Variants in EPB41 observed in about 807,000 individuals in gnomAD.
EPB41 encodes the protein protein 4.1.
Under a neutral mutation model 108.0 loss-of-function variants are expected in EPB41, and 65 were observed. The ratio of observed to expected loss-of-function variants is 0.60; its 90% CI spans 0.49 to 0.74. The LOEUF (loss-of-function observed/expected upper bound fraction) is 0.74, where lower values mean the gene tolerates loss of function less well. Ranked by LOEUF, EPB41 falls within the 30% of genes least tolerant of loss-of-function variation. The pLI is 0.00. For synonymous variants in EPB41, 336 were observed against 358.9 expected (o/e 0.94, Z 0.72); for missense variants, 875 against 1,037.0 (o/e 0.84, Z 2.15).
chr1:29,044,808 C>T (rs1257030406), intron 11 of EPB41, among the ~76,000 whole-genome samples: 1 of 152,126 alleles, frequency 6.6e-6, no homozygotes, highest in Admixed American at 6.6e-5. Context: ...GCTGAGATCG[C>T]GCCTGCACTC....
At chr1:29,060,507 T>G (rs1357198545) in intron 15 of EPB41, 23 bp downstream of exon 15, 1 of 1,598,068 alleles carries the variant, frequency 6.3e-7, no homozygotes, top group Non-Finnish European at 8.6e-7. Flanking sequence ...TTGAAGCTTA[T>G]TTCAGTTGGT....
chr1:28,965,399 T>A lies in EPB41; in HGVS notation c.-7-22032T>A, dbSNP rs148140124. 7.2e-3 allele frequency among the ~76,000 whole-genome samples: 1,094 copies of A among 152,248 alleles called. 17 individuals are homozygous for A. The highest frequency in any genetic ancestry group is 0.023 in the African/African-American group (944 of 41,542). On this transcript the variant is annotated intron_variant, in intron 1 of 20. Transcript: ENST00000343067. ...TTTTTTTTTAGAACTTTTTTGAAAC[T>A]GATTTCCTGTTGGGGTTTAGTATAG...
At chr1:28,888,101 G>A (rs749546923) in intron 1 of EPB41, among the ~76,000 whole-genome samples, 20 of 152,238 alleles carry the variant, frequency 1.3e-4, no homozygotes, top group Admixed American at 6.5e-5. Context: ...CCAGGAGTGG[G>A]GAGGAGAGAG....
chr1:28,950,370 T>C (rs1159995761), intron 1 of EPB41, among the ~76,000 whole-genome samples: 2 of 152,250 alleles, frequency 1.3e-5, no homozygotes, highest in Non-Finnish European at 2.9e-5. Flanking sequence ...AGGACCAGAC[T>C]CTAGCAGTAA....
At chr1:29,092,297 A>C (rs192501639) in intron 16 of EPB41, among the ~76,000 whole-genome samples, 2 of 151,890 alleles carry the variant, frequency 1.3e-5, no homozygotes, top group Non-Finnish European at 2.9e-5. Context: ...GGGTTTCTCC[A>C]TGTTGGACAG....
intron 1 of EPB41, chr1:28,982,516 C>T: frequency 1.0e-6 from 1 of 965,028 alleles, no homozygotes; most frequent in Non-Finnish European, 1.7e-6. Flanking sequence ...ATCTGAGGTG[C>T]TATCATCAAT....
chr1:29,092,127 C>T (rs899570579), intron 16 of EPB41, among the ~76,000 whole-genome samples: 12 of 97,638 alleles, frequency 1.2e-4, no homozygotes, highest in Admixed American at 1.2e-3. Flanking sequence ...GACGGAGTTT[C>T]GTTCATGTTG....
chr1:29,004,954 T>A (rs1430366917), intron 4 of EPB41, among the ~76,000 whole-genome samples: 2 of 152,190 alleles, frequency 1.3e-5, no homozygotes, highest in Non-Finnish European at 2.9e-5. Flanking sequence ...TTTTAGGACC[T>A]CCATATAAGG....
chr1:28,975,940 C>CAA (rs775554564), intron 1 of EPB41, among the ~76,000 whole-genome samples: 10,241 of 67,274 alleles, frequency 0.15, 795 homozygotes, highest in East Asian at 0.36. Flanking sequence ...GACTCCATCT[C>CAA]AAAAAAAAAA....
chr1:29,080,280 G>A (rs965793856), intron 16 of EPB41, among the ~76,000 whole-genome samples: 2 of 151,722 alleles, frequency 1.3e-5, no homozygotes, highest in African/African-American at 4.8e-5. Context: ...CACCGCACCC[G>A]GCTAATTTTT....
chr1:28,987,989 G>A (rs900734175), intron 2 of EPB41, 84 bp downstream of exon 2: 4 of 1,439,740 alleles, frequency 2.8e-6, no homozygotes, highest in South Asian at 2.3e-5. Flanking sequence ...TGGGCTGGGC[G>A]CGGTGGCTCA....
At chr1:28,906,992 C>T (rs1278802301) in intron 1 of EPB41, among the ~76,000 whole-genome samples, 6 of 151,734 alleles carry the variant, frequency 4.0e-5, no homozygotes, top group African/African-American at 1.2e-4. Flanking sequence ...AGGATGGTCT[C>T]AATCTCCTGA....
intron 16 of EPB41, among the ~76,000 whole-genome samples, chr1:29,068,116 T>G (rs1057464120): frequency 1.3e-5 from 2 of 152,226 alleles, no homozygotes; most frequent in African/African-American, 4.8e-5. Context: ...TTTATCATAT[T>G]GGGCCTTAGT....
intron 1 of EPB41, among the ~76,000 whole-genome samples, chr1:28,904,483 T>C (rs2091597984): frequency 6.6e-6 from 1 of 152,186 alleles, no homozygotes; most frequent in East Asian, 1.9e-4. Context: ...CTTTCTTATA[T>C]TGAAGCTCTA....
chr1:29,109,566 CAA>C (rs1668462547), intron 18 of EPB41, 129 bp downstream of exon 18: 2 of 776,172 alleles, frequency 2.6e-6, no homozygotes, highest in East Asian at 5.3e-5. Flanking sequence ...CCACATTATT[CAA>C]AGAGTCCTGG....
chr1:28,988,114 T>G (rs1351455137), intron 2 of EPB41, among the ~76,000 whole-genome samples: 1 of 152,098 alleles, frequency 6.6e-6, no homozygotes, highest in Non-Finnish European at 1.5e-5. Context: ...AGTACAAAAA[T>G]TAGCCGGGCC....
rs1227983608 is a variant in EPB41, at chr1:28,980,794, G to GTTT, written c.-7-6619_-7-6617dup. On this transcript the variant is annotated intron_variant, in intron 1 of 20. Coordinates refer to ENST00000343067, the MANE Select transcript of EPB41 (RefSeq NM_001376013.1). ...CCTTCCAGCTGATGATATTCCAGGA[G>GTTT]TTTTTTTTTTTTTTTTTTTTGAGAT... Among the ~76,000 whole-genome samples, 81 of 118,174 alleles carry GTTT rather than the reference G, an allele frequency of 6.9e-4. 2 individuals are homozygous for GTTT. The highest frequency in any genetic ancestry group is 9.4e-4 in the South Asian group (3 of 3,196). The allele number at this position is 118,174 out of a possible 152,430, so 77.5% of individuals were successfully genotyped here. A position where few individuals can be genotyped will look rare whatever the true frequency, so the allele number is the denominator to read the frequency against.
chr1:28,982,377 A>G, intron 1 of EPB41: 2 of 719,484 alleles, frequency 2.8e-6, no homozygotes, highest in Admixed American at 3.5e-5. Context: ...GCATTAGGTG[A>G]TTGTAGTTAC....
chr1:28,964,631 T>A (rs12409738), intron 1 of EPB41, among the ~76,000 whole-genome samples: 51,727 of 148,536 alleles, frequency 0.35, 10,689 homozygotes, highest in East Asian at 0.81. Flanking sequence ...ATAAATAAAA[T>A]AAATAAATAA....
Sources: gnomAD v4.1 joint callset for allele counts (sites outside exome capture counted in the v4.1 genomes callset) on GRCh38, gnomAD v4.1.1 for gene constraint, MANE v1.5 for transcripts, NCBI Gene and HGNC (gene_info 2026-07-23, HGNC 2026-07-21) for gene names.